Variants in PDZD2 observed in about 807,000 individuals in gnomAD.
PDZD2 encodes the protein PDZ domain containing 2, also known as PDZ domain-containing protein 2.
Under a neutral mutation model 220.7 loss-of-function variants are expected in PDZD2, and 90 were observed. That is an observed-to-expected ratio of 0.41 (90% confidence interval 0.34 to 0.49). The LOEUF (loss-of-function observed/expected upper bound fraction) is 0.49, where lower values mean the gene tolerates loss of function less well. Among genes scored for constraint, PDZD2 ranks in the 20% least tolerant of loss-of-function variants. The pLI, the probability that PDZD2 is intolerant of heterozygous loss-of-function variation, is 0.28. For synonymous variants in PDZD2, 1,375 were observed against 1,450.5 expected, an observed-to-expected ratio of 0.95 and a Z score of 1.18; for missense variants, 3,174 against 3,608.5, an observed-to-expected ratio of 0.88 and a Z score of 3.08.
chr5:31,816,712 G>A (rs1755481134), intron 2 of PDZD2, among the ~76,000 whole-genome samples: 1 of 152,176 alleles, frequency 6.6e-6, no homozygotes, highest in African/African-American at 2.4e-5. Flanking sequence ...TTCAGAGTTT[G>A]CAAGAAAAAT....
At chr5:31,720,094 T>A (rs142430974) in intron 1 of PDZD2, among the ~76,000 whole-genome samples, 1 of 152,216 alleles carries the variant, frequency 6.6e-6, no homozygotes, top group Non-Finnish European at 1.5e-5. Context: ...TCAGCTGTTG[T>A]CTCCTGAAGT....
chr5:31,954,261 A>G (rs1747456643), intron 2 of PDZD2, among the ~76,000 whole-genome samples: 2 of 152,252 alleles, frequency 1.3e-5, no homozygotes, highest in Non-Finnish European at 2.9e-5. Context: ...GCATGATTGC[A>G]TGATTTCCTC....
At chr5:31,773,675 A>G (rs1752469212) in intron 1 of PDZD2, among the ~76,000 whole-genome samples, 1 of 152,128 alleles carries the variant, frequency 6.6e-6, no homozygotes, top group South Asian at 2.1e-4. Context: ...AGATATATTG[A>G]TTTATCTACC....
chr5:32,058,607 G>C (rs895302419), intron 12 of PDZD2, among the ~76,000 whole-genome samples: 5 of 150,814 alleles, frequency 3.3e-5, no homozygotes, highest in Admixed American at 6.6e-5. Flanking sequence ...CCGGGAGGCA[G>C]AGGTTGCAGT....
At chr5:31,904,589 A>C (rs1382041273) in intron 2 of PDZD2, among the ~76,000 whole-genome samples, 1 of 151,844 alleles carries the variant, frequency 6.6e-6, no homozygotes, top group Non-Finnish European at 1.5e-5. Context: ...GTGCAGTGGC[A>C]CGATCTCGGC....
chr5:32,037,055 C>G (rs538366008), intron 6 of PDZD2, among the ~76,000 whole-genome samples, 176 bp from the exon 7 acceptor site: 2 of 152,338 alleles, frequency 1.3e-5, no homozygotes, highest in African/African-American at 4.8e-5. Flanking sequence ...TTGGCCAATG[C>G]AAGGCGTTGC....
At chr5:31,871,547 G>A (rs1186299935) in intron 2 of PDZD2, among the ~76,000 whole-genome samples, 2 of 152,056 alleles carry the variant, frequency 1.3e-5, no homozygotes, top group East Asian at 3.9e-4. Flanking sequence ...CGCCTCCTGG[G>A]TCAAGTGATT....
At chr5:31,748,086 G>C (rs926191180) in intron 1 of PDZD2, 1 of 152,222 alleles carries the variant, frequency 6.6e-6, no homozygotes, top group Non-Finnish European at 1.5e-5. Context: ...TGCCAGCAAA[G>C]GTACATTCTG....
At chr5:31,859,677 C>G (rs958919989) in intron 2 of PDZD2, among the ~76,000 whole-genome samples, 6 of 152,074 alleles carry the variant, frequency 3.9e-5, no homozygotes, top group Non-Finnish European at 8.8e-5. Context: ...TAATCACTTC[C>G]ACATTAAAGG....
intron 2 of PDZD2, among the ~76,000 whole-genome samples, chr5:31,853,997 G>A (rs1222073426): frequency 6.6e-6 from 1 of 152,182 alleles, no homozygotes; most frequent in Non-Finnish European, 1.5e-5. Context: ...GTTCCATAAA[G>A]GCTTGAGGTT....
intron 6 of PDZD2, among the ~76,000 whole-genome samples, chr5:32,018,020 C>G (rs572296391): frequency 4.6e-5 from 7 of 152,134 alleles, no homozygotes; most frequent in Admixed American, 1.3e-4. Flanking sequence ...ACTTGTTCCC[C>G]TGGAAAAGTC....
Position 32,059,333 on chromosome 5 carries a change from G to T in PDZD2, c.2295G>T (p.Val765=). 1 of 1,605,076 alleles carries T rather than the reference G, an allele frequency of 6.2e-7. No individual in the cohort carries two copies. The highest frequency in any genetic ancestry group is 1.7e-4 in the Middle Eastern group (1 of 6,050). Residue 765 remains valine, a synonymous_variant, in exon 13 of 25, where the codon GTG becomes GTT. Coordinates refer to ENST00000438447, the MANE Select transcript of PDZD2 (RefSeq NM_178140.4). ...IYIHSLAPGS[V]AKMESNLSRG... The stretch of plus-strand genomic sequence containing the variant: ...TTCACAGCCTTGCTCCAGGATCAGT[G>T]GCCAAGATGGAGAGCAACCTGAGGT...
intron 6 of PDZD2, among the ~76,000 whole-genome samples, chr5:32,020,751 T>C (rs1561367463): frequency 6.6e-6 from 1 of 151,798 alleles, no homozygotes; most frequent in Non-Finnish European, 1.5e-5. Context: ...TTCAAGCGAT[T>C]CTCCTGCCTC....
chr5:32,064,214 A>G (rs1739976457), intron 14 of PDZD2, among the ~76,000 whole-genome samples: 1 of 152,018 alleles, frequency 6.6e-6, no homozygotes, highest in Non-Finnish European at 1.5e-5. Context: ...CGCACAGAGG[A>G]AAAGAAGGAA....
At chr5:31,832,891 C>T (rs557412699) in intron 2 of PDZD2, among the ~76,000 whole-genome samples, 1 of 147,266 alleles carries the variant, frequency 6.8e-6, no homozygotes, top group African/African-American at 2.5e-5. Context: ...AAGTACAAAC[C>T]TAGTGTGTGA....
At position 31,671,680 on chromosome 5, in the gene PDZD2, A is replaced by G. The variant is rs576645719; in HGVS notation, c.-361+32243A>G. Reference sequence around the variant, plus strand: ...GCTGAGCCTGAGTTTCCTGATGACTATCCAAGGCCAGGCACCCGCGGCCTC... The same window carrying G: ...GCTGAGCCTGAGTTTCCTGATGACTGTCCAAGGCCAGGCACCCGCGGCCTC... On this transcript the variant is annotated intron_variant, in intron 1 of 24. Coordinates refer to ENST00000438447, the MANE Select transcript of PDZD2 (RefSeq NM_178140.4). Among the ~76,000 whole-genome samples, 78 of 152,264 alleles carry G rather than the reference A, an allele frequency of 5.1e-4. No individual in the cohort carries two copies. The Middle Eastern group carries it at 0.01, about 20-fold the overall frequency.
At chr5:32,093,125 C>A in intron 21 of PDZD2, 101 bp downstream of exon 21, 1 of 682,526 alleles carries the variant, frequency 1.5e-6, no homozygotes, top group Non-Finnish European at 2.6e-6. Context: ...CGCCCCGAGT[C>A]CTGGAGAGGG....
intron 2 of PDZD2, among the ~76,000 whole-genome samples, chr5:31,865,920 C>T (rs1738190687): frequency 6.6e-6 from 1 of 150,888 alleles, no homozygotes; most frequent in African/African-American, 2.4e-5. Context: ...CGTGAGCCAC[C>T]GCACCTGCCC....
At chr5:31,692,399 G>C (rs1040289854) in intron 1 of PDZD2, among the ~76,000 whole-genome samples, 1 of 152,362 alleles carries the variant, frequency 6.6e-6, no homozygotes, top group African/African-American at 2.4e-5. Flanking sequence ...GGCCAGCCCA[G>C]AAAGGGGCTC....
Sources: allele counts gnomAD v4.1 joint callset (sites outside exome capture counted in the v4.1 genomes callset), GRCh38; gene constraint gnomAD v4.1.1; transcripts MANE v1.5; gene names NCBI Gene and HGNC (gene_info 2026-07-23, HGNC 2026-07-21).